The following GRIP1 variants were observed in gnomAD, a reference collection of about 807,000 sequenced individuals.
GRIP1 encodes the protein glutamate receptor interacting protein 1, also known as glutamate receptor-interacting protein 1.
GRIP1 carries 45 observed loss-of-function variants against 129.9 expected under a neutral mutation model. The observed-to-expected ratio is 0.35, with a 90% confidence interval of 0.27 to 0.44. GRIP1 has a LOEUF of 0.44. Among genes scored for constraint, GRIP1 ranks in the 20% least tolerant of loss-of-function variants. The pLI, the probability that GRIP1 is intolerant of heterozygous loss-of-function variation, is 1.00. For missense variants in GRIP1, 1,196 were observed against 1,396.8 expected (o/e 0.86, Z 2.29); for synonymous variants, 530 against 520.8 (o/e 1.02, Z -0.24).
At chr12:66,569,884 T>C (rs1349707266) in intron 2 of GRIP1, among the ~76,000 whole-genome samples, 3 of 152,162 alleles carry the variant, frequency 2.0e-5, no homozygotes, top group Admixed American at 2.0e-4. Flanking sequence ...TATTCCCTCC[T>C]CAGGTTTATT....
At chr12:67,055,084 A>G (rs2043412925) in intron 1 of GRIP1, among the ~76,000 whole-genome samples, 1 of 152,232 alleles carries the variant, frequency 6.6e-6, no homozygotes, top group South Asian at 2.1e-4. Flanking sequence ...AATAACAACT[A>G]CTATGGAGTT....
chr12:66,648,885 C>G (rs1261133360), intron 1 of GRIP1, among the ~76,000 whole-genome samples: 1 of 152,140 alleles, frequency 6.6e-6, no homozygotes, highest in Non-Finnish European at 1.5e-5. Flanking sequence ...CTAAAACAAT[C>G]TAGAAAATCA....
chr12:66,437,438 C>A (rs1592864460), intron 13 of GRIP1, among the ~76,000 whole-genome samples: 1 of 152,262 alleles, frequency 6.6e-6, no homozygotes, highest in South Asian at 2.1e-4. Flanking sequence ...GGGAACATAG[C>A]TTTTCTTGCC....
rs2033907533 is a variant in GRIP1 at position 66,668,403 on chromosome 12, T to C, written c.55+10447A>G. Among the ~76,000 whole-genome samples the C allele has an allele frequency of 2.0e-5, 3 of 152,274 alleles. 1 individual carries two copies. Among genetic ancestry groups the C allele is most frequent in the South Asian group, 4.1e-4 (2 of 4,822 alleles). ...CAGAAACTCTGTGGGGTCCTAGATA[T>C]TCCCCAGATTGAATTCAATTGGGAA... is the stretch of plus-strand genomic sequence containing the variant. On this transcript the variant is annotated intron_variant, in intron 1 of 24. Transcript: ENST00000359742.
chr12:66,571,862 G>A (rs898134332), intron 2 of GRIP1, among the ~76,000 whole-genome samples: 6 of 152,182 alleles, frequency 3.9e-5, no homozygotes, highest in African/African-American at 7.2e-5. Flanking sequence ...AACAGGGCTC[G>A]GAGTTAGGTA....
At chr12:66,404,277 G>C (rs1032001135) in intron 16 of GRIP1, among the ~76,000 whole-genome samples, 4 of 151,936 alleles carry the variant, frequency 2.6e-5, no homozygotes, top group Non-Finnish European at 5.9e-5. Context: ...TTTTTACTTG[G>C]AAAAGGAATC....
At chr12:66,603,400 T>C (rs753892955) in intron 1 of GRIP1, among the ~76,000 whole-genome samples, 6 of 152,196 alleles carry the variant, frequency 3.9e-5, no homozygotes, top group Non-Finnish European at 7.3e-5. Context: ...TATCTAACTC[T>C]TGCTTCTCAA....
intron 1 of GRIP1, among the ~76,000 whole-genome samples, chr12:67,030,272 C>T (rs1157404105): frequency 1.3e-5 from 2 of 151,406 alleles, no homozygotes; most frequent in Non-Finnish European, 2.9e-5. Flanking sequence ...TAGAATCTTA[C>T]TATAAACATT....
intron 1 of GRIP1, among the ~76,000 whole-genome samples, chr12:66,918,823 A>G (rs991476367): frequency 1.3e-5 from 2 of 152,222 alleles, no homozygotes; most frequent in Admixed American, 1.3e-4. Flanking sequence ...AACTCCAAGA[A>G]TATCATTAAT....
chr12:66,371,987 C>G, intron 22 of GRIP1, 60 bp from the exon 23 acceptor site: 3 of 1,092,120 alleles, frequency 2.7e-6, no homozygotes, highest in Admixed American at 3.5e-5. Flanking sequence ...GGATTTGGTG[C>G]TCAACAGTAA....
At chr12:66,810,987 T>G (rs1053109882) in intron 1 of GRIP1, among the ~76,000 whole-genome samples, 2 of 152,178 alleles carry the variant, frequency 1.3e-5, no homozygotes, top group Non-Finnish European at 2.9e-5. Flanking sequence ...AAAAAGACAG[T>G]GGAGGACAGT....
intron 1 of GRIP1, among the ~76,000 whole-genome samples, chr12:66,832,010 T>C (rs967748007): frequency 4.0e-5 from 6 of 151,248 alleles, no homozygotes; most frequent in Non-Finnish European, 7.4e-5. Flanking sequence ...TCATGTTCCA[T>C]CCAGACTCAC....
chr12:66,754,050 G>A (rs765702101), intron 1 of GRIP1, among the ~76,000 whole-genome samples: 8 of 152,180 alleles, frequency 5.3e-5, no homozygotes, highest in Non-Finnish European at 7.4e-5. Context: ...ACTTAGCAGT[G>A]TGAATCATCA....
chr12:66,787,011 AAAC>A (rs1455817369), intron 1 of GRIP1, among the ~76,000 whole-genome samples: 2 of 152,124 alleles, frequency 1.3e-5, no homozygotes, highest in African/African-American at 2.4e-5. Context: ...ATCCAAAACA[AAAC>A]AACAAGCCAG....
At chr12:66,826,939 A>T (rs73132958) in intron 1 of GRIP1, among the ~76,000 whole-genome samples, 2 of 152,270 alleles carry the variant, frequency 1.3e-5, no homozygotes, top group Non-Finnish European at 2.9e-5. Context: ...TCAATAATAT[A>T]CATCCAAATA....
intron 1 of GRIP1, among the ~76,000 whole-genome samples, chr12:66,691,634 AGTG>A (rs1422732671): frequency 6.6e-6 from 1 of 152,186 alleles, no homozygotes; most frequent in African/African-American, 2.4e-5. Flanking sequence ...TCTAAGTCCC[AGTG>A]GTGAATGAAA....
At chr12:66,965,925 C>T (rs1358631650) in intron 1 of GRIP1, among the ~76,000 whole-genome samples, 1 of 152,078 alleles carries the variant, frequency 6.6e-6, no homozygotes, top group Admixed American at 6.6e-5. Flanking sequence ...CAAAGTAATG[C>T]CTTCTCCATA....
At chr12:66,662,036 A>C (rs1237578975) in intron 1 of GRIP1, among the ~76,000 whole-genome samples, 64 of 152,260 alleles carry the variant, frequency 4.2e-4, no homozygotes, top group Non-Finnish European at 5.9e-5. Flanking sequence ...ATTATTCTAA[A>C]GTATCCATAC....
At chr12:66,418,607 G>A (rs937640732) in intron 15 of GRIP1, among the ~76,000 whole-genome samples, 7 of 151,888 alleles carry the variant, frequency 4.6e-5, no homozygotes, top group African/African-American at 1.7e-4. Flanking sequence ...AAACAATCTA[G>A]TAATCCTATT....
Sources: allele counts gnomAD v4.1 joint callset (sites outside exome capture counted in the v4.1 genomes callset), GRCh38; gene constraint gnomAD v4.1.1; transcripts MANE v1.5; gene names NCBI Gene and HGNC (gene_info 2026-07-23, HGNC 2026-07-21).